The following MARCHF7 variants were observed in gnomAD, a reference collection of about 807,000 sequenced individuals.
The protein encoded by MARCHF7 is membrane associated ring-CH-type finger 7.
A neutral mutation model predicts 76.5 loss-of-function variants in MARCHF7; 20 were observed. The observed-to-expected ratio is 0.26, with a 90% confidence interval of 0.18 to 0.38. MARCHF7 has a LOEUF of 0.38. Among genes scored for constraint, MARCHF7 ranks in the 10% least tolerant of loss-of-function variants. The pLI is 1.00. For synonymous variants in MARCHF7, 295 were observed against 293.0 expected, an observed-to-expected ratio of 1.01 and a Z score of -0.07; for missense variants, 797 against 812.9, an observed-to-expected ratio of 0.98 and a Z score of 0.24.
chr2:159,740,253 CT>C (rs1385083895), intron 4 of MARCHF7, among the ~76,000 whole-genome samples: 1 of 152,134 alleles, frequency 6.6e-6, no homozygotes, highest in Non-Finnish European at 1.5e-5. Flanking sequence ...TTATCCCCCC[CT>C]TCATTAGTTC....
chr2:159,745,837 C>G lies in MARCHF7; in HGVS notation c.414C>G (p.Asp138Glu). ...SSMVLGSFGTDLMRERRDLER... is the reference protein window; with the variant it reads ...SSMVLGSFGTELMRERRDLER... Reference sequence around the variant, plus strand: ...TGGTACTTGGATCATTTGGAACAGACTTAATGAGAGAGAGGAGAGATTTGG... The same window carrying G: ...TGGTACTTGGATCATTTGGAACAGAGTTAATGAGAGAGAGGAGAGATTTGG... Residue 138 changes from aspartate (D) to glutamate (E), a missense_variant, in exon 6 of 12, where the codon GAC becomes GAG. Transcript: ENST00000409175. The G allele has an allele frequency of 6.2e-7, 1 of 1,612,772 alleles. No homozygotes were observed. The highest frequency in any genetic ancestry group is 1.1e-5 in the South Asian group (1 of 91,020).
At chr2:159,727,094 C>A (rs1051614327) in intron 3 of MARCHF7, among the ~76,000 whole-genome samples, 8 of 152,198 alleles carry the variant, frequency 5.3e-5, no homozygotes, top group Admixed American at 3.9e-4. Flanking sequence ...TTGAGTGATG[C>A]ATAACTATGC....
chr2:159,743,018 A>C (rs761995259), intron 4 of MARCHF7, 43 bp from the exon 5 acceptor site: 4 of 1,538,000 alleles, frequency 2.6e-6, no homozygotes, highest in Admixed American at 1.8e-5. Context: ...TTTAGTACTG[A>C]ATGCAGCCTT....
Position 159,729,042 on chromosome 2 carries a change from G to T in MARCHF7, c.20G>T (p.Arg7Met). Reference sequence around the variant, plus strand: ...TTAAGAATGGAGTCTAAACCTTCAAGGATTCCAAGAAGAATTTCTGTTCAA... The same window carrying T: ...TTAAGAATGGAGTCTAAACCTTCAATGATTCCAAGAAGAATTTCTGTTCAA... MESKPS[R>M]IPRRISVQPS... Residue 7 changes from arginine to methionine, a missense_variant, in exon 4 of 12, where the codon AGG (arginine) becomes ATG (methionine). By Grantham distance (91) the Arg-to-Met change is moderately conservative. Transcript: ENST00000409175. The T allele has an allele frequency of 4.4e-6, 7 of 1,587,584 alleles. No homozygotes were observed. The highest frequency in any genetic ancestry group is 6.0e-6 in the Non-Finnish European group (7 of 1,171,516).
intron 10 of MARCHF7, among the ~76,000 whole-genome samples, chr2:159,763,257 CA>C (rs1203601248): frequency 6.6e-6 from 1 of 152,026 alleles, no homozygotes; most frequent in Non-Finnish European, 1.5e-5. Flanking sequence ...CATTGAAAAA[CA>C]GAATTGGAAA....
intron 8 of MARCHF7, among the ~76,000 whole-genome samples, chr2:159,757,945 T>C (rs1460636345): frequency 6.6e-6 from 1 of 152,234 alleles, no homozygotes; most frequent in Admixed American, 6.5e-5. Context: ...CTAGAAAATG[T>C]ACATAAGTTA....
intron 5 of MARCHF7, among the ~76,000 whole-genome samples, chr2:159,744,628 TA>T (rs1185207162): frequency 6.6e-6 from 1 of 152,250 alleles, no homozygotes. Context: ...AGTTCCTGTC[TA>T]TTTTGATAAG....
intron 4 of MARCHF7, among the ~76,000 whole-genome samples, chr2:159,737,207 A>C (rs1274448827): frequency 6.6e-6 from 1 of 152,210 alleles, no homozygotes; most frequent in Admixed American, 6.5e-5. Flanking sequence ...ATTTGTGTGC[A>C]TCGATACCAA....
intron 3 of MARCHF7, among the ~76,000 whole-genome samples, chr2:159,718,052 C>T (rs1313401141): frequency 6.6e-6 from 1 of 152,166 alleles, no homozygotes; most frequent in Non-Finnish European, 1.5e-5. Context: ...TTAATAATAG[C>T]TAGTATTTGC....
chr2:159,722,989 A>G (rs1011057040), intron 3 of MARCHF7, among the ~76,000 whole-genome samples: 13 of 152,222 alleles, frequency 8.5e-5, no homozygotes, highest in Admixed American at 8.5e-4. Context: ...ATTAGGAAAC[A>G]TTATTGTTGT....
In MARCHF7 at chr2:159,770,877, A is replaced by T. The variant is rs539790349; in HGVS notation, c.*3535A>T. The T allele has an allele frequency of 1.1e-4, 17 of 152,094 alleles. No homozygotes were observed. Among genetic ancestry groups the T allele is most frequent in the Non-Finnish European group, 2.2e-4 (15 of 67,990 alleles). 9.4% of individuals were successfully genotyped at this position (152,094 alleles called of 1,614,324 possible). ...AGTGATACGTGACTAATTTACGTGAAATTTATACATTCTTTATCTTTCCTG... is the reference window on the plus strand; with the variant it reads ...AGTGATACGTGACTAATTTACGTGATATTTATACATTCTTTATCTTTCCTG... On this transcript the variant is annotated 3_prime_UTR_variant, in exon 12 of 12. Coordinates refer to ENST00000409175, the MANE Select transcript of MARCHF7 (RefSeq NM_001282805.2).
At chr2:159,731,679 T>C (rs1413027985) in intron 4 of MARCHF7, among the ~76,000 whole-genome samples, 1 of 151,646 alleles carries the variant, frequency 6.6e-6, no homozygotes, top group African/African-American at 2.4e-5. Context: ...ACTTGAATCC[T>C]GGAGACGGAA....
intron 8 of MARCHF7, among the ~76,000 whole-genome samples, chr2:159,756,625 T>G (rs963925172): frequency 7.0e-6 from 1 of 142,198 alleles, no homozygotes; most frequent in Non-Finnish European, 1.5e-5. Context: ...AGGTGGAGTT[T>G]GCAGTGAGCC....
intron 8 of MARCHF7, among the ~76,000 whole-genome samples, chr2:159,755,634 G>A (rs1706200694): frequency 6.6e-6 from 1 of 152,152 alleles, no homozygotes; most frequent in Admixed American, 6.5e-5. Flanking sequence ...AGAAAGGTTG[G>A]TGGTTAGAGG....
chr2:159,729,820 C>G (rs1332769699), intron 4 of MARCHF7, among the ~76,000 whole-genome samples: 1 of 152,200 alleles, frequency 6.6e-6, no homozygotes, highest in African/African-American at 2.4e-5. Flanking sequence ...CACACTGATT[C>G]ATCTGACTTT....
chr2:159,757,842 A>C (rs1210878999), intron 8 of MARCHF7, among the ~76,000 whole-genome samples: 1 of 152,182 alleles, frequency 6.6e-6, no homozygotes, highest in African/African-American at 2.4e-5. Context: ...TCATTCATAT[A>C]CTCAAAATAT....
chr2:159,767,094 G>GA (rs1472616127), intron 11 of MARCHF7, among the ~76,000 whole-genome samples, 190 bp from the exon 12 acceptor site: 1 of 152,128 alleles, frequency 6.6e-6, no homozygotes, highest in African/African-American at 2.4e-5. Flanking sequence ...GGGGCGGGGA[G>GA]AATTGTGGTT....
chr2:159,713,666 G>T (rs545251318), intron 1 of MARCHF7, among the ~76,000 whole-genome samples: 15 of 152,256 alleles, frequency 9.9e-5, no homozygotes, highest in African/African-American at 3.4e-4. Flanking sequence ...ACTTGAGGTA[G>T]CAAAAAGTTT....
At chr2:159,725,547 G>T (rs1004678638) in intron 3 of MARCHF7, among the ~76,000 whole-genome samples, 1 of 151,954 alleles carries the variant, frequency 6.6e-6, no homozygotes, top group Non-Finnish European at 1.5e-5. Flanking sequence ...TTTTTCTTAC[G>T]AATTTAAGTT....
Sources: gnomAD v4.1 joint callset for allele counts (sites outside exome capture counted in the v4.1 genomes callset) on GRCh38, gnomAD v4.1.1 for gene constraint, MANE v1.5 for transcripts, NCBI Gene and HGNC (gene_info 2026-07-23, HGNC 2026-07-21) for gene names.